Variants in ANKH observed in about 807,000 individuals in gnomAD.
The protein encoded by ANKH is ANKH inorganic pyrophosphate transport regulator, also known as mineralization regulator ANKH.
A neutral mutation model predicts 49.0 loss-of-function variants in ANKH; 15 were observed. The observed-to-expected ratio is 0.31, with a 90% CI of 0.20 to 0.47. The LOEUF (loss-of-function observed/expected upper bound fraction) is 0.47, where lower values mean the gene tolerates loss of function less well. Ranked by LOEUF, ANKH falls within the 20% of genes least tolerant of loss-of-function variation. The pLI is 1.00. For missense variants in ANKH, 429 were observed against 652.0 expected (o/e 0.66, Z 3.72); for synonymous variants, 273 against 260.0 (o/e 1.05, Z -0.48).
chr5:14,851,687 T>C (rs1037852397), intron 1 of ANKH, among the ~76,000 whole-genome samples: 3 of 152,210 alleles, frequency 2.0e-5, no homozygotes, highest in Non-Finnish European at 2.9e-5. Context: ...TGGAGATGAC[T>C]TGAACAATTC....
rs928071760 is a variant in ANKH at position 14,705,872 on chromosome 5, A to C, written c.*5325T>G. 6.6e-6 allele frequency: 1 copy of C among 152,176 alleles called. No individual in the cohort carries two copies. Among genetic ancestry groups the C allele is most frequent in the Admixed American group, 6.6e-5 (1 of 15,262 alleles). 9.4% of individuals were successfully genotyped at this position (152,176 alleles called of 1,614,324 possible). A position where few individuals can be genotyped will look rare whatever the true frequency, so the allele number is the denominator to read the frequency against. Reference sequence around the variant, plus strand: ...TCAAACCGTGGGTCCCTGCATGTTCATGGCCCCACACTTCAGGGAACCAGC... The same window carrying C: ...TCAAACCGTGGGTCCCTGCATGTTCCTGGCCCCACACTTCAGGGAACCAGC... On this transcript the variant is annotated 3_prime_UTR_variant, in exon 12 of 12. Coordinates refer to ENST00000284268, the MANE Select transcript of ANKH (RefSeq NM_054027.6).
chr5:14,734,605 A>G (rs113000059), intron 8 of ANKH, among the ~76,000 whole-genome samples: 6 of 152,326 alleles, frequency 3.9e-5, no homozygotes, highest in African/African-American at 1.2e-4. Flanking sequence ...CGGGTCAGGC[A>G]GCACTCGGCA....
In ANKH at chr5:14,713,111, G is replaced by A. The variant is rs1164280452; in HGVS notation, c.1266-138C>T. The A allele has an allele frequency of 7.1e-6, 6 of 848,682 alleles. No homozygotes were observed. The highest frequency in any genetic ancestry group is 1.1e-5 in the Non-Finnish European group (6 of 523,338). 52.6% of individuals were successfully genotyped at this position (848,682 alleles called of 1,614,324 possible). On this transcript the variant is annotated intron_variant, in intron 10 of 11. Coordinates refer to ENST00000284268, the MANE Select transcript of ANKH (RefSeq NM_054027.6). The surrounding 1 kb of genome is among the most constrained non-coding windows in gnomAD (Gnocchi z 4.4). ...CGTTCTCCATCTGCTGGCTTCGTAA[G>A]GGCCGCAGCTAATAACCTAATGTGT...
At chr5:14,859,753 G>T (rs879747489) in intron 1 of ANKH, among the ~76,000 whole-genome samples, 1 of 152,168 alleles carries the variant, frequency 6.6e-6, no homozygotes, top group African/African-American at 2.4e-5. Flanking sequence ...ACACAGGTAC[G>T]CATCCGTCAT....
At position 14,838,854 on chromosome 5, in the gene ANKH, A is replaced by T. The variant is rs186009992; in HGVS notation, c.96+32498T>A. Among the ~76,000 whole-genome samples the T allele has an allele frequency of 3.8e-4, 57 of 151,950 alleles. 1 individual carries two copies. In the East Asian group the frequency reaches 9.7e-3, roughly 26 times the overall value. On this transcript the variant is annotated intron_variant, in intron 1 of 11. Transcript: ENST00000284268. Reference sequence around the variant, plus strand: ...AAACTGCAGGTGTGCCCAGGAAAAAACCCAGCCAAGTCCCTCCCAGCCCCT... The same window carrying T: ...AAACTGCAGGTGTGCCCAGGAAAAATCCCAGCCAAGTCCCTCCCAGCCCCT...
At chr5:14,768,202 G>A (rs898359981) in intron 2 of ANKH, 13 of 152,210 alleles carry the variant, frequency 8.5e-5, no homozygotes, top group South Asian at 2.1e-4. Context: ...ACAGTCACGC[G>A]TCTTAAACAA....
At chr5:14,780,309 G>A (rs185689305) in intron 1 of ANKH, among the ~76,000 whole-genome samples, 72 of 152,302 alleles carry the variant, frequency 4.7e-4, no homozygotes, top group African/African-American at 1.5e-3. Flanking sequence ...TTGGGAGGCC[G>A]AGCTGGGTGG....
intron 9 of ANKH, among the ~76,000 whole-genome samples, chr5:14,715,720 C>T (rs1305809177): frequency 1.3e-5 from 2 of 152,158 alleles, no homozygotes; most frequent in Admixed American, 1.3e-4. Flanking sequence ...CAGACATACA[C>T]GTGCTACATA....
chr5:14,729,055 CT>C (rs962115573), intron 8 of ANKH, among the ~76,000 whole-genome samples: 1 of 151,826 alleles, frequency 6.6e-6, no homozygotes. Flanking sequence ...GGAAAAAAGC[CT>C]TTTTTTTCTT....
At position 14,714,630 on chromosome 5, in the gene ANKH, C is replaced by A. The variant is rs115126263; in HGVS notation, c.1142-963G>T. On this transcript the variant is annotated intron_variant, in intron 9 of 11. Transcript: ENST00000284268. ...TCTGGGTGGAAGCCTTATATTAATA[C>A]TAACGAGGCTAATTTTCTTCTCTTA... Among the ~76,000 whole-genome samples, 485 of 152,306 alleles carry A rather than the reference C, an allele frequency of 3.2e-3. 3 individuals are homozygous for A. The highest frequency in any genetic ancestry group is 0.011 in the African/African-American group (467 of 41,554).
At chr5:14,718,148 G>C (rs1029868033) in intron 8 of ANKH, among the ~76,000 whole-genome samples, 9 of 152,150 alleles carry the variant, frequency 5.9e-5, no homozygotes, top group African/African-American at 2.2e-4. Context: ...AGCCGCACTT[G>C]AGCAGCCATC....
intron 8 of ANKH, among the ~76,000 whole-genome samples, chr5:14,726,937 C>T (rs1204141208): frequency 6.6e-6 from 1 of 152,160 alleles, no homozygotes; most frequent in African/African-American, 2.4e-5. Flanking sequence ...CGATACAGCA[C>T]GTGAGGGGAT....
At chr5:14,852,496 A>T (rs936222645) in intron 1 of ANKH, among the ~76,000 whole-genome samples, 2 of 152,208 alleles carry the variant, frequency 1.3e-5, no homozygotes, top group African/African-American at 4.8e-5. Flanking sequence ...GAAATGAGTT[A>T]TTTTTGATGC....
Position 14,871,734 on chromosome 5 carries a change from G to A in ANKH, c.-287C>T. 1 of 158,090 alleles carries A rather than the reference G, an allele frequency of 6.3e-6. No homozygotes were observed. Among genetic ancestry groups the A allele is most frequent in the Middle Eastern group, 3.0e-3 (1 of 332 alleles). 9.8% of individuals were successfully genotyped at this position (158,090 alleles called of 1,614,324 possible). A position where few individuals can be genotyped will look rare whatever the true frequency, so the allele number is the denominator to read the frequency against. Reference sequence around the variant, plus strand: ...GAGGAGGGACGGCGGCGGCGGCGGCGGCGGCAGAAGGTTCTGCTGACAGCG... The same window carrying A: ...GAGGAGGGACGGCGGCGGCGGCGGCAGCGGCAGAAGGTTCTGCTGACAGCG... On this transcript the variant is annotated 5_prime_UTR_variant, in exon 1 of 12. Transcript: ENST00000284268.
At chr5:14,774,506 C>T (rs551335386) in intron 1 of ANKH, among the ~76,000 whole-genome samples, 1 of 152,162 alleles carries the variant, frequency 6.6e-6, no homozygotes, top group South Asian at 2.1e-4. Flanking sequence ...GGCATGATCT[C>T]GGCTCACTGC....
chr5:14,815,448 G>A (rs1741006790), intron 1 of ANKH, among the ~76,000 whole-genome samples: 1 of 152,170 alleles, frequency 6.6e-6, no homozygotes, highest in Admixed American at 6.5e-5. Context: ...TTCATTCATA[G>A]TCATTCTTGT....
chr5:14,826,633 T>C (rs183844907), intron 1 of ANKH, among the ~76,000 whole-genome samples: 1 of 152,346 alleles, frequency 6.6e-6, no homozygotes, highest in African/African-American at 2.4e-5. Context: ...GCTCCCTACA[T>C]GTTAGCTTTC....
In ANKH at chr5:14,725,111, G is replaced by A. The variant is rs1440225480; in HGVS notation, c.1012-8276C>T. Among the ~76,000 whole-genome samples the A allele has an allele frequency of 6.6e-6, 1 of 152,140 alleles. No individual in the cohort carries two copies. The highest frequency in any genetic ancestry group is 2.1e-4 in the South Asian group (1 of 4,824). On this transcript the variant is annotated intron_variant, in intron 8 of 11. Transcript: ENST00000284268. This position sits in a 1 kb window ranked among gnomAD's most constrained non-coding sequence, Gnocchi z 4.0. ...CCGGGCAAGCCAGTGGTTAGCCCTC[G>A]GCAACACAAAGTGTGAAGAGGAGGT... is the stretch of plus-strand genomic sequence containing the variant.
chr5:14,861,289 G>A (rs1303015394), intron 1 of ANKH, among the ~76,000 whole-genome samples: 1 of 152,144 alleles, frequency 6.6e-6, no homozygotes, highest in African/African-American at 2.4e-5. Flanking sequence ...GTCCTCAGAA[G>A]CTGATAACCA....
Sources: gnomAD v4.1 joint callset for allele counts (sites outside exome capture counted in the v4.1 genomes callset) on GRCh38, gnomAD v4.1.1 for gene constraint, Gnocchi (gnomAD v3.1) non-coding constraint, MANE v1.5 for transcripts, NCBI Gene and HGNC (gene_info 2026-07-23, HGNC 2026-07-21) for gene names.